The following GPSM2 variants were observed in gnomAD, a reference collection of about 807,000 sequenced individuals.
GPSM2 encodes the protein G protein signaling modulator 2, also known as G protein-signaling modulator 2.
Under a neutral mutation model 78.4 loss-of-function variants are expected in GPSM2, and 58 were observed. That is an observed-to-expected ratio of 0.74 (90% confidence interval 0.60 to 0.92). The LOEUF is 0.92. Ranked by LOEUF, GPSM2 falls within the 40% of genes least tolerant of loss-of-function variation. GPSM2 has a pLI of 0.00. For missense variants in GPSM2, 700 were observed against 815.5 expected, an observed-to-expected ratio of 0.86 and a Z score of 1.73; for synonymous variants, 224 against 280.2, an observed-to-expected ratio of 0.80 and a Z score of 2.00.
intron 1 of GPSM2, among the ~76,000 whole-genome samples, chr1:108,884,283 G>A (rs1200568914): frequency 6.6e-6 from 1 of 152,114 alleles, no homozygotes; most frequent in Non-Finnish European, 1.5e-5. Flanking sequence ...GTTCATGGTA[G>A]TTTTTTGTTT....
At chr1:108,898,564 AAAG>A in intron 5 of GPSM2, 75 bp from the exon 6 acceptor site, 1 of 1,371,914 alleles carries the variant, frequency 7.3e-7, no homozygotes. Flanking sequence ...TTTCTGATAA[AAAG>A]AATTAGATAT....
At chr1:108,899,512 T>C (rs921358852) in intron 7 of GPSM2, among the ~76,000 whole-genome samples, 22 of 152,222 alleles carry the variant, frequency 1.4e-4, no homozygotes, top group African/African-American at 5.3e-4. Context: ...TCTTTCTGCC[T>C]ATATTTGACT....
intron 11 of GPSM2, among the ~76,000 whole-genome samples, chr1:108,917,611 C>CATATATATATATATATATAT (rs55909258): frequency 8.8e-4 from 20 of 22,680 alleles, no homozygotes; most frequent in Admixed American, 1.2e-3. Flanking sequence ...CACACACACA[C>CATATATATATATATATATAT]ATATATATAT....
intron 2 of GPSM2, among the ~76,000 whole-genome samples, chr1:108,894,046 GAAA>G (rs903294567): frequency 1.3e-5 from 2 of 148,174 alleles, no homozygotes; most frequent in African/African-American, 2.5e-5. Context: ...TCCATCTCAA[GAAA>G]AAAAAAATTA....
At position 108,930,901 on chromosome 1, in the gene GPSM2, A is replaced by AAAACAGC. The variant is rs995144978; in HGVS notation, c.*964_*970dup. 3 of 152,616 alleles carry AAAACAGC rather than the reference A, an allele frequency of 2.0e-5. No homozygotes were observed. The highest frequency in any genetic ancestry group is 2.9e-5 in the Non-Finnish European group (2 of 68,938). 9.5% of individuals were successfully genotyped at this position (152,616 alleles called of 1,614,324 possible). ...GCAAGACTCTGTCTCAAAAAAAAAA[A>AAAACAGC]AAACAGCAAGCATGCTGGCACACAC... On this transcript the variant is annotated 3_prime_UTR_variant, in exon 15 of 15. Coordinates refer to ENST00000264126, the MANE Select transcript of GPSM2 (RefSeq NM_013296.5).
chr1:108,903,393 A>G lies in GPSM2; in HGVS notation c.1062+159A>G, dbSNP rs141546712. Among the ~76,000 whole-genome samples, 7 of 152,364 alleles carry G rather than the reference A, an allele frequency of 4.6e-5. No individual in the cohort carries two copies. In the East Asian group the frequency reaches 1.3e-3, roughly 29 times the overall value. On this transcript the variant is annotated intron_variant, in intron 9 of 14. Transcript: ENST00000264126. The stretch of plus-strand genomic sequence containing the variant: ...AGAACCCCAGAAAGCATTTTGAGGT[A>G]CAGATCACAGTTATGTTTGTATTGG...
chr1:108,904,449 TATA>T (rs1186602572), intron 10 of GPSM2, among the ~76,000 whole-genome samples, 195 bp downstream of exon 10: 3 of 148,272 alleles, frequency 2.0e-5, no homozygotes, highest in Non-Finnish European at 4.5e-5. Context: ...TATATATAAT[TATA>T]ATATATAATT....
chr1:108,921,416 CAAAA>C (rs11312751), intron 12 of GPSM2, among the ~76,000 whole-genome samples: 6 of 147,312 alleles, frequency 4.1e-5, no homozygotes, highest in South Asian at 2.2e-4. Context: ...CGAGACTCCT[CAAAA>C]AAAAAAAAAA....
intron 1 of GPSM2, among the ~76,000 whole-genome samples, chr1:108,878,940 A>T (rs1665759652): frequency 1.3e-5 from 2 of 152,178 alleles, no homozygotes; most frequent in Admixed American, 6.5e-5. Flanking sequence ...CCCAAAGCAC[A>T]TGCTGTATTG....
At chr1:108,885,189 CTTG>C (rs1647434589) in intron 1 of GPSM2, 83 bp from the exon 2 acceptor site, 1 of 200,744 alleles carries the variant, frequency 5.0e-6, no homozygotes, top group Non-Finnish European at 1.0e-5. Context: ...GCAGAGTTAG[CTTG>C]TGATTATGTA....
At chr1:108,881,056 T>C (rs1665870357) in intron 1 of GPSM2, among the ~76,000 whole-genome samples, 1 of 152,240 alleles carries the variant, frequency 6.6e-6, no homozygotes, top group Non-Finnish European at 1.5e-5. Flanking sequence ...TCCACCTAGC[T>C]GTCTAAAGGG....
chr1:108,931,507 T>A lies in GPSM2; in HGVS notation c.*1567T>A. On this transcript the variant is annotated 3_prime_UTR_variant, in exon 15 of 15. Coordinates refer to ENST00000264126, the MANE Select transcript of GPSM2 (RefSeq NM_013296.5). ...ACAGCTGGGATGGGATCTGGGGATGTGGACCCCTATTCTTTCAAAAAGTCA... is the reference window on the plus strand; with the variant it reads ...ACAGCTGGGATGGGATCTGGGGATGAGGACCCCTATTCTTTCAAAAAGTCA... The A allele has an allele frequency of 6.5e-7, 1 of 1,546,712 alleles. No homozygotes were observed. The highest frequency in any genetic ancestry group is 8.7e-7 in the Non-Finnish European group (1 of 1,145,168).
chr1:108,899,680 TC>T (rs1413064655), intron 7 of GPSM2, among the ~76,000 whole-genome samples: 1 of 152,216 alleles, frequency 6.6e-6, no homozygotes, highest in East Asian at 1.9e-4. Context: ...GATTGAGTTT[TC>T]CCTAGTTAGT....
chr1:108,933,976 T>C lies in GPSM2; in HGVS notation c.*4036T>C, dbSNP rs946858591. The C allele has an allele frequency of 2.0e-5, 3 of 152,210 alleles. No homozygotes were observed. Among genetic ancestry groups the C allele is most frequent in the Non-Finnish European group, 4.4e-5 (3 of 68,044 alleles). The allele number at this position is 152,210 out of a possible 1,614,324, so 9.4% of individuals were successfully genotyped here. ...TTTATAAAAAGCCCATGCACTTCAA[T>C]TGGTGGGGGAAAAGAATAAAGTCAT... On this transcript the variant is annotated 3_prime_UTR_variant, in exon 15 of 15. Coordinates refer to ENST00000264126, the MANE Select transcript of GPSM2 (RefSeq NM_013296.5).
rs1651973701 is a variant in GPSM2 at position 108,931,529 on chromosome 1, G to GTCAT, written c.*1593_*1596dup. On this transcript the variant is annotated 3_prime_UTR_variant, in exon 15 of 15. Coordinates refer to ENST00000264126, the MANE Select transcript of GPSM2 (RefSeq NM_013296.5). The stretch of plus-strand genomic sequence containing the variant: ...ATGTGGACCCCTATTCTTTCAAAAA[G>GTCAT]TCATTCAGGTGATTTGGATGGGCAA... 1 of 1,514,376 alleles carries GTCAT rather than the reference G, an allele frequency of 6.6e-7. No homozygotes were observed. The highest frequency in any genetic ancestry group is 1.4e-5 in the African/African-American group (1 of 71,264). 93.8% of individuals were successfully genotyped at this position (1,514,376 alleles called of 1,614,324 possible).
At chr1:108,923,962 T>A (rs756274049) in intron 13 of GPSM2, 38 bp from the exon 14 acceptor site, 1 of 1,404,658 alleles carries the variant, frequency 7.1e-7, no homozygotes, top group Non-Finnish European at 1.0e-6. Context: ...TTGTTTTTTG[T>A]TTTTTTTTAA....
intron 14 of GPSM2, 126 bp downstream of exon 14, chr1:108,924,340 GTAAAAA>G: frequency 1.4e-6 from 1 of 736,990 alleles, no homozygotes; most frequent in Non-Finnish European, 2.5e-6. Context: ...CCATCATTCA[GTAAAAA>G]ATTATTGAAC....
chr1:108,912,482 A>G (rs1231006231), intron 10 of GPSM2, among the ~76,000 whole-genome samples: 2 of 151,556 alleles, frequency 1.3e-5, no homozygotes, highest in Non-Finnish European at 2.9e-5. Flanking sequence ...AGTGGCTCAC[A>G]CCTGTAATCC....
At chr1:108,919,849 A>G (rs1423765504) in intron 12 of GPSM2, among the ~76,000 whole-genome samples, 1 of 152,248 alleles carries the variant, frequency 6.6e-6, no homozygotes, top group East Asian at 1.9e-4. Context: ...AGTACATTAC[A>G]AAGAAGGTAC....
Sources: gnomAD v4.1 joint callset for allele counts (sites outside exome capture counted in the v4.1 genomes callset) on GRCh38, gnomAD v4.1.1 for gene constraint, MANE v1.5 for transcripts, NCBI Gene and HGNC (gene_info 2026-07-23, HGNC 2026-07-21) for gene names.